Variants in FOXP2 observed in about 807,000 individuals in gnomAD.
FOXP2 encodes the protein forkhead box protein P2.
Under a neutral mutation model 115.8 loss-of-function variants are expected in FOXP2, and 12 were observed. That is an observed-to-expected ratio of 0.10 (90% confidence interval 0.07 to 0.17). FOXP2 has a LOEUF of 0.17. Among genes scored for constraint, FOXP2 ranks in the 10% least tolerant of loss-of-function variants. FOXP2 has a pLI of 1.00. For synonymous variants in FOXP2, 328 were observed against 297.7 expected (o/e 1.10, Z -1.05); for missense variants, 629 against 843.5 (o/e 0.75, Z 3.15).
upstream of FOXP2, among the ~76,000 whole-genome samples, chr7:114,158,230 CTT>C (rs1792723178): frequency 6.6e-6 from 1 of 152,050 alleles, no homozygotes; most frequent in African/African-American, 2.4e-5. Context: ...TCAAACCAGA[CTT>C]TTATTTGGAA....
At chr7:114,122,224 C>T (rs59853507) in intron 1 of FOXP2, among the ~76,000 whole-genome samples, 7,238 of 152,088 alleles carry the variant, frequency 0.048, 544 homozygotes, top group African/African-American at 0.16. Flanking sequence ...GAAACTACCT[C>T]CCATGAATGC....
chr7:114,460,072 G>T (rs1053343818), intron 2 of FOXP2, among the ~76,000 whole-genome samples: 4 of 151,934 alleles, frequency 2.6e-5, no homozygotes, highest in African/African-American at 9.7e-5. Flanking sequence ...TTTTGTTTTG[G>T]TTTGGTTTTT....
At chr7:114,099,805 G>C (rs1799736383) in intron 1 of FOXP2, among the ~76,000 whole-genome samples, 1 of 152,098 alleles carries the variant, frequency 6.6e-6, no homozygotes, top group African/African-American at 2.4e-5. Flanking sequence ...TAGGCCAAAG[G>C]ATACAAAGTC....
chr7:114,194,543 G>C (rs1366997032), intron 1 of FOXP2, among the ~76,000 whole-genome samples: 1 of 151,908 alleles, frequency 6.6e-6, no homozygotes, highest in Non-Finnish European at 1.5e-5. Context: ...AGAAGATAGC[G>C]CTGAATCCTC....
intron 16 of FOXP2, among the ~76,000 whole-genome samples, chr7:114,674,487 G>A (rs1194976758): frequency 6.6e-6 from 1 of 152,180 alleles, no homozygotes; most frequent in African/African-American, 2.4e-5. Flanking sequence ...TCTGAGTACT[G>A]TCCTACTGGC....
At chr7:114,576,472 C>A (rs886391198) in intron 3 of FOXP2, among the ~76,000 whole-genome samples, 2 of 151,872 alleles carry the variant, frequency 1.3e-5, no homozygotes, top group South Asian at 2.1e-4. Flanking sequence ...AATGGAGGAT[C>A]GTCTTTGAAA....
chr7:114,198,574 G>A lies in FOXP2; in HGVS notation c.-102+35486G>A, dbSNP rs1232117109. Among the ~76,000 whole-genome samples the A allele has an allele frequency of 3.9e-5, 6 of 152,230 alleles. 1 individual carries two copies. Among genetic ancestry groups the A allele is most frequent in the Admixed American group, 3.9e-4 (6 of 15,292 alleles). The stretch of plus-strand genomic sequence containing the variant: ...TAGGGCTCGCACTTCCGTGGGAATC[G>A]AATGCTGCTGCTGATCTGACGGGAG... On this transcript the variant is annotated intron_variant, in intron 1 of 17. Coordinates refer to the FOXP2 transcript ENST00000634411.
chr7:114,651,400 T>C (rs1325967899), intron 8 of FOXP2, among the ~76,000 whole-genome samples: 1 of 152,100 alleles, frequency 6.6e-6, no homozygotes, highest in Non-Finnish European at 1.5e-5. Flanking sequence ...TTACAGAGTA[T>C]ATATTATTAA....
chr7:114,086,335 G>A (rs1205466917), upstream of FOXP2: 1 of 408,862 alleles, frequency 2.4e-6, no homozygotes, highest in South Asian at 1.7e-5. Context: ...CCGAGAAAGC[G>A]CGAGACACGC....
chr7:114,345,068 A>G (rs1357273836), intron 2 of FOXP2, among the ~76,000 whole-genome samples: 2 of 151,892 alleles, frequency 1.3e-5, no homozygotes, highest in South Asian at 2.1e-4. Context: ...GTGACAAGAA[A>G]TATAAAACAA....
chr7:114,384,588 C>G (rs527660366), intron 2 of FOXP2, among the ~76,000 whole-genome samples: 4 of 152,234 alleles, frequency 2.6e-5, no homozygotes, highest in African/African-American at 9.6e-5. Flanking sequence ...CCTCCTAGGT[C>G]TGGTCGGACC....
At chr7:114,252,716 A>C (rs928577151) in intron 1 of FOXP2, among the ~76,000 whole-genome samples, 3 of 151,850 alleles carry the variant, frequency 2.0e-5, no homozygotes, top group Admixed American at 1.3e-4. Flanking sequence ...GCGTTCTATC[A>C]ATTTTGTCAA....
chr7:114,398,071 A>T (rs1270299614), intron 2 of FOXP2, among the ~76,000 whole-genome samples: 2 of 152,148 alleles, frequency 1.3e-5, no homozygotes, highest in African/African-American at 2.4e-5. Context: ...GACAAAGAGA[A>T]GGAGTTATAA....
chr7:114,673,952 T>A (rs1321199016), intron 16 of FOXP2, among the ~76,000 whole-genome samples: 1 of 152,204 alleles, frequency 6.6e-6, no homozygotes, highest in Non-Finnish European at 1.5e-5. Context: ...TCCACCCGCC[T>A]CGACCTCCCA....
chr7:114,475,202 G>T (rs866958146), intron 2 of FOXP2, among the ~76,000 whole-genome samples: 6 of 152,114 alleles, frequency 3.9e-5, no homozygotes, highest in Admixed American at 6.6e-5. Flanking sequence ...ATTTTAAGGT[G>T]ACCCCTAGTT....
At chr7:114,243,195 C>G (rs372339056) in intron 1 of FOXP2, among the ~76,000 whole-genome samples, 2 of 146,566 alleles carry the variant, frequency 1.4e-5, no homozygotes, top group Non-Finnish European at 3.0e-5. Context: ...CATGACTCAT[C>G]GAAGCAATCA....
At chr7:114,177,885 A>G (rs1300663903) in intron 1 of FOXP2, among the ~76,000 whole-genome samples, 1 of 151,962 alleles carries the variant, frequency 6.6e-6, no homozygotes, top group Non-Finnish European at 1.5e-5. Context: ...CATAATGTAC[A>G]ATAGATCTCT....
rs74667951 is a variant in FOXP2, at chr7:114,551,775, A to T, written c.258+17069A>T. On this transcript the variant is annotated intron_variant, in intron 3 of 16. Transcript: ENST00000350908. ...GATTATCATGCTAAGAGTGGCAGGTATTTATTTTTCTTCATTACTGAGACT... is the reference window on the plus strand; with the variant it reads ...GATTATCATGCTAAGAGTGGCAGGTTTTTATTTTTCTTCATTACTGAGACT... 2.5e-4 allele frequency among the ~76,000 whole-genome samples: 38 copies of T among 152,286 alleles called. No homozygotes were observed. The East Asian group carries it at 6.9e-3, about 28-fold the overall frequency.
chr7:114,686,636 A>G (rs988056200), intron 16 of FOXP2, among the ~76,000 whole-genome samples: 1 of 151,776 alleles, frequency 6.6e-6, no homozygotes, highest in African/African-American at 2.4e-5. Context: ...ATATATCTTC[A>G]TTTTCTCAAG....
Sources: gnomAD v4.1 joint callset for allele counts (sites outside exome capture counted in the v4.1 genomes callset) on GRCh38, gnomAD v4.1.1 for gene constraint, MANE v1.5 for transcripts, NCBI Gene and HGNC (gene_info 2026-07-23, HGNC 2026-07-21) for gene names.